Variants in KITLG observed in about 807,000 individuals in gnomAD.
KITLG encodes the protein c-Kit ligand.
Under a neutral mutation model 34.1 loss-of-function variants are expected in KITLG, and 13 were observed. The observed-to-expected ratio is 0.38, with a 90% CI of 0.25 to 0.61. The LOEUF (loss-of-function observed/expected upper bound fraction) is 0.61, where lower values mean the gene tolerates loss of function less well. Among genes scored for constraint, KITLG ranks in the 20% least tolerant of loss-of-function variants. KITLG has a pLI of 0.60. For missense variants in KITLG, 292 were observed against 318.9 expected (o/e 0.92, Z 0.64); for synonymous variants, 110 against 104.0 (o/e 1.06, Z -0.35).
intron 2 of KITLG, among the ~76,000 whole-genome samples, chr12:88,537,178 C>T (rs1380008270): frequency 6.6e-6 from 1 of 151,932 alleles, no homozygotes; most frequent in Non-Finnish European, 1.5e-5. Context: ...TGCATTTGTA[C>T]GTTCATCACA....
At chr12:88,507,279 C>T in intron 6 of KITLG, 142 bp from the exon 7 acceptor site, 1 of 622,748 alleles carries the variant, frequency 1.6e-6, no homozygotes, top group Non-Finnish European at 2.9e-6. Flanking sequence ...GATTTTTCTG[C>T]TGAATATTGC....
chr12:88,529,214 T>C (rs1268080353), intron 3 of KITLG, among the ~76,000 whole-genome samples: 2 of 152,196 alleles, frequency 1.3e-5, no homozygotes, highest in African/African-American at 4.8e-5. Context: ...ACCCACAGTT[T>C]ATGTAAATGC....
intron 3 of KITLG, among the ~76,000 whole-genome samples, chr12:88,524,408 A>C (rs1026501898): frequency 6.6e-6 from 1 of 152,198 alleles, no homozygotes; most frequent in African/African-American, 2.4e-5. Context: ...TTTCTAATGA[A>C]AATTTAGTGT....
Position 88,545,934 on chromosome 12 carries a change from T to C in KITLG, c.16-69A>G, listed in dbSNP as rs567179334. The C allele has an allele frequency of 1.8e-5, 16 of 889,286 alleles. No homozygotes were observed. In the African/African-American group the frequency reaches 2.4e-4, roughly 14 times the overall value. 55.1% of individuals were successfully genotyped at this position (889,286 alleles called of 1,614,324 possible). On this transcript the variant is annotated intron_variant, in intron 1 of 9. Coordinates refer to ENST00000644744, the MANE Select transcript of KITLG (RefSeq NM_000899.5). Reference sequence around the variant, plus strand: ...TCTGTAATCATTCAAACTTTTAACATCTAATGCCTTGATGCACAAAAAGAC... The same window carrying C: ...TCTGTAATCATTCAAACTTTTAACACCTAATGCCTTGATGCACAAAAAGAC...
intron 3 of KITLG, among the ~76,000 whole-genome samples, chr12:88,526,326 A>G (rs1869862463): frequency 6.6e-6 from 1 of 152,198 alleles, no homozygotes; most frequent in African/African-American, 2.4e-5. Context: ...ACACGTATCT[A>G]AAAGAAGATA....
chr12:88,565,535 G>T (rs746602690), intron 1 of KITLG, among the ~76,000 whole-genome samples: 1 of 152,194 alleles, frequency 6.6e-6, no homozygotes, highest in Non-Finnish European at 1.5e-5. Context: ...TGAGGCAGGA[G>T]AATCACTTAA....
chr12:88,509,119 A>T (rs1869179978), intron 6 of KITLG, among the ~76,000 whole-genome samples: 3 of 152,198 alleles, frequency 2.0e-5, no homozygotes, highest in Admixed American at 2.0e-4. Context: ...TAATCAATGT[A>T]CACAGAGAGA....
chr12:88,514,987 C>T (rs1485256642), intron 6 of KITLG, among the ~76,000 whole-genome samples: 1 of 151,700 alleles, frequency 6.6e-6, no homozygotes, highest in Non-Finnish European at 1.5e-5. Flanking sequence ...ACAGAAATTT[C>T]AGAAAAATAA....
intron 1 of KITLG, among the ~76,000 whole-genome samples, chr12:88,562,596 T>C (rs1179129763): frequency 1.3e-5 from 2 of 152,206 alleles, no homozygotes; most frequent in African/African-American, 2.4e-5. Context: ...ACCATTGTCA[T>C]CCTTCTCACT....
chr12:88,531,540 A>G (rs1458190933), intron 3 of KITLG, among the ~76,000 whole-genome samples: 1 of 152,204 alleles, frequency 6.6e-6, no homozygotes, highest in Non-Finnish European at 1.5e-5. Context: ...TAATGAGAAA[A>G]ATAATTAAAA....
Position 88,495,941 on chromosome 12 carries a change from T to C in KITLG, c.*1278A>G, listed in dbSNP as rs1386820302. 2.6e-5 allele frequency: 4 copies of C among 152,202 alleles called. No individual in the cohort carries two copies. The highest frequency in any genetic ancestry group is 9.6e-5 in the African/African-American group (4 of 41,466). The allele number at this position is 152,202 out of a possible 1,614,324, so 9.4% of individuals were successfully genotyped here. On this transcript the variant is annotated 3_prime_UTR_variant, in exon 10 of 10. Transcript: ENST00000644744. ...TATTCACATAATGTCTTACAAGTTC[T>C]AGTTTAAAAGCACAATGTCCATCTT...
intron 1 of KITLG, among the ~76,000 whole-genome samples, chr12:88,555,418 C>T (rs1329593994): frequency 6.6e-6 from 1 of 152,170 alleles, no homozygotes; most frequent in East Asian, 1.9e-4. Flanking sequence ...CTTATGGCCA[C>T]TTTGCTAGGA....
chr12:88,500,054 A>T (rs1348252621), intron 9 of KITLG, among the ~76,000 whole-genome samples: 1 of 152,054 alleles, frequency 6.6e-6, no homozygotes. Flanking sequence ...TGGAATTCAA[A>T]CCCTTTCTCA....
At chr12:88,502,006 T>C (rs2120789666) in intron 9 of KITLG, among the ~76,000 whole-genome samples, 1 of 152,282 alleles carries the variant, frequency 6.6e-6, no homozygotes, top group African/African-American at 2.4e-5. Flanking sequence ...CTACCAAGTG[T>C]CATATGAAAT....
intron 8 of KITLG, 98 bp downstream of exon 8, chr12:88,506,213 T>C: frequency 1.2e-6 from 1 of 834,042 alleles, no homozygotes; most frequent in Non-Finnish European, 2.1e-6. Context: ...GCTACTGTCA[T>C]GAGTGAAGGA....
intron 1 of KITLG, among the ~76,000 whole-genome samples, chr12:88,551,834 C>T (rs1018860119): frequency 2.6e-5 from 4 of 152,198 alleles, no homozygotes; most frequent in East Asian, 3.9e-4. Context: ...GACATGATTA[C>T]GTTAAGAACT....
At chr12:88,520,620 AGAC>A (rs1213919309) in intron 3 of KITLG, among the ~76,000 whole-genome samples, 1 of 152,142 alleles carries the variant, frequency 6.6e-6, no homozygotes, top group East Asian at 1.9e-4. Context: ...TTTTGAATTA[AGAC>A]ATTCCTTTAG....
chr12:88,548,431 C>T (rs559561058), intron 1 of KITLG, among the ~76,000 whole-genome samples: 16 of 148,032 alleles, frequency 1.1e-4, no homozygotes, highest in South Asian at 8.9e-4. Flanking sequence ...TCTAGCCTGG[C>T]GACAAAAGCT....
chr12:88,534,228 A>G (rs1870217999), intron 2 of KITLG, among the ~76,000 whole-genome samples: 1 of 152,118 alleles, frequency 6.6e-6, no homozygotes, highest in South Asian at 2.1e-4. Flanking sequence ...GTCCCTGGAG[A>G]GAAGAGCCTC....
Sources: gnomAD v4.1 joint callset for allele counts (sites outside exome capture counted in the v4.1 genomes callset) on GRCh38, gnomAD v4.1.1 for gene constraint, MANE v1.5 for transcripts, NCBI Gene and HGNC (gene_info 2026-07-23, HGNC 2026-07-21) for gene names.